The following TTC27 variants were observed in gnomAD, a reference collection of about 807,000 sequenced individuals.
TTC27 encodes the protein tetratricopeptide repeat domain 27.
In TTC27, 79 loss-of-function variants were observed where a neutral mutation model predicts 115.9. The observed-to-expected ratio is 0.68, with a 90% CI of 0.57 to 0.82. TTC27 has a LOEUF of 0.82. Among genes scored for constraint, TTC27 ranks in the 40% least tolerant of loss-of-function variants. The probability of loss-of-function intolerance (pLI) is 0.00; values close to 1 mark genes in which losing one functional copy is unlikely to be tolerated. For missense variants in TTC27, 1,054 were observed against 993.1 expected (o/e 1.06, Z -0.82); for synonymous variants, 401 against 356.0 (o/e 1.13, Z -1.42).
intron 13 of TTC27, among the ~76,000 whole-genome samples, chr2:32,769,303 T>A (rs969876081): frequency 3.9e-5 from 6 of 152,182 alleles, no homozygotes; most frequent in African/African-American, 1.4e-4. Flanking sequence ...TTATGTCACA[T>A]GTAGTGATAA....
intron 5 of TTC27, among the ~76,000 whole-genome samples, chr2:32,662,347 C>T (rs1420639635): frequency 6.6e-6 from 1 of 152,122 alleles, no homozygotes; most frequent in African/African-American, 2.4e-5. Flanking sequence ...GGAATGGTAC[C>T]AGCTCCTCTT....
intron 5 of TTC27, among the ~76,000 whole-genome samples, chr2:32,659,613 T>C (rs1182922114): frequency 7.7e-6 from 1 of 129,942 alleles, no homozygotes; most frequent in Non-Finnish European, 1.8e-5. Context: ...GGTATGCACG[T>C]GCCATGGTGG....
chr2:32,629,173 G>A (rs1197411417), intron 1 of TTC27, among the ~76,000 whole-genome samples: 1 of 151,778 alleles, frequency 6.6e-6, no homozygotes, highest in African/African-American at 2.4e-5. Context: ...TCTGGCTGGA[G>A]TGCACTGGTG....
At chr2:32,656,886 A>G (rs566609827) in intron 5 of TTC27, among the ~76,000 whole-genome samples, 1 of 151,944 alleles carries the variant, frequency 6.6e-6, no homozygotes, top group South Asian at 2.1e-4. Context: ...TTCAATAATG[A>G]TTGTGTGTCT....
chr2:32,717,438 ACAAGAAT>A (rs1667791534), intron 10 of TTC27, among the ~76,000 whole-genome samples: 1 of 152,224 alleles, frequency 6.6e-6, no homozygotes, highest in Non-Finnish European at 1.5e-5. Context: ...GGAAGCTGTC[ACAAGAAT>A]CAAGGTCCAG....
In TTC27 at chr2:32,733,803, C is replaced by T. The variant is rs1241034383; in HGVS notation, c.1234-25C>T. On this transcript the variant is annotated intron_variant, in intron 10 of 19. Transcript: ENST00000317907. ...ATATTATAAGTTATACATATAGATT[C>T]TGATTGTGATATATGTCCTTTAAGG... 5 of 1,449,138 alleles carry T rather than the reference C, an allele frequency of 3.5e-6. No individual in the cohort carries two copies. In the Admixed American group the frequency reaches 7.2e-5, roughly 21 times the overall value. 89.8% of individuals were successfully genotyped at this position (1,449,138 alleles called of 1,614,324 possible). A position where few individuals can be genotyped will look rare whatever the true frequency, so the allele number is the denominator to read the frequency against.
At position 32,742,703 on chromosome 2, in the gene TTC27, G is replaced by A. The variant is rs566231358; in HGVS notation, c.1452+5887G>A. 2.6e-5 allele frequency among the ~76,000 whole-genome samples: 4 copies of A among 152,312 alleles called. No homozygotes were observed. The East Asian group carries it at 7.7e-4, about 29-fold the overall frequency. On this transcript the variant is annotated intron_variant, in intron 12 of 19. Transcript: ENST00000317907. ...GGAAACGTGCTTTGGAGTTCTGTCA[G>A]CTGTGCCCCTGTCATCTTTATGTAC...
At chr2:32,782,841 ACTTG>A (rs1296854855) in intron 15 of TTC27, among the ~76,000 whole-genome samples, 163 bp downstream of exon 15, 1 of 152,228 alleles carries the variant, frequency 6.6e-6, no homozygotes, top group East Asian at 1.9e-4. Context: ...AACTAAATTA[ACTTG>A]AATTCTAAAT....
At chr2:32,788,414 C>T (rs954545266) in intron 16 of TTC27, among the ~76,000 whole-genome samples, 2 of 152,150 alleles carry the variant, frequency 1.3e-5, no homozygotes, top group African/African-American at 4.8e-5. Flanking sequence ...AAGCTCCCCT[C>T]CTTCCTGATA....
intron 3 of TTC27, among the ~76,000 whole-genome samples, chr2:32,637,519 G>C (rs923900638): frequency 7.2e-5 from 11 of 152,098 alleles, no homozygotes; most frequent in African/African-American, 2.7e-4. Context: ...TTTTAATAGA[G>C]ACGGGGTTTC....
chr2:32,683,880 G>A (rs1275115184), intron 9 of TTC27, among the ~76,000 whole-genome samples: 1 of 152,128 alleles, frequency 6.6e-6, no homozygotes, highest in Non-Finnish European at 1.5e-5. Flanking sequence ...TTTAGGCTGG[G>A]TGGGGTAGCT....
rs75098914 is a variant in TTC27, at chr2:32,758,131, C to T, written c.1453-161C>T. On this transcript the variant is annotated intron_variant, in intron 12 of 19. Transcript: ENST00000317907. ...AGGTATGCCTGTATTTATTTTGTAT[C>T]GGTCCTCTTACTCAACCTGTGTCCT... Among the ~76,000 whole-genome samples the T allele has an allele frequency of 9.2e-5, 14 of 152,154 alleles. No homozygotes were observed. The East Asian group carries it at 2.7e-3, about 29-fold the overall frequency.
At chr2:32,636,213 A>G (rs1664418318) in intron 3 of TTC27, among the ~76,000 whole-genome samples, 1 of 151,878 alleles carries the variant, frequency 6.6e-6, no homozygotes, top group Non-Finnish European at 1.5e-5. Context: ...CTTAATTCGC[A>G]TTTCTTTTTT....
intron 10 of TTC27, among the ~76,000 whole-genome samples, chr2:32,715,232 CTTGAG>C (rs1667715372): frequency 6.6e-6 from 1 of 152,146 alleles, no homozygotes; most frequent in Non-Finnish European, 1.5e-5. Context: ...TTTAATCCAT[CTTGAG>C]TTGATTTTTG....
intron 12 of TTC27, among the ~76,000 whole-genome samples, chr2:32,750,796 A>G (rs1206692720): frequency 1.3e-5 from 2 of 152,188 alleles, no homozygotes; most frequent in Admixed American, 6.5e-5. Flanking sequence ...CATCAAATGG[A>G]TTTTTGTAAA....
chr2:32,648,475 A>G (rs1432300931), intron 4 of TTC27, among the ~76,000 whole-genome samples: 2 of 139,124 alleles, frequency 1.4e-5, no homozygotes, highest in Non-Finnish European at 3.0e-5. Flanking sequence ...ACTTAGTCTT[A>G]CAGTGTTGCC....
chr2:32,802,177 A>G (rs1465895508), intron 16 of TTC27, among the ~76,000 whole-genome samples: 1 of 152,202 alleles, frequency 6.6e-6, no homozygotes, highest in East Asian at 1.9e-4. Flanking sequence ...TTTAGTTTCC[A>G]GATGAAAAGG....
chr2:32,634,619 T>A (rs538480009), intron 3 of TTC27, among the ~76,000 whole-genome samples: 23 of 151,132 alleles, frequency 1.5e-4, no homozygotes, highest in African/African-American at 5.3e-4. Flanking sequence ...AATCTGGAAA[T>A]CTGTTTAATT....
At chr2:32,630,049 G>A (rs1572453901) in intron 1 of TTC27, among the ~76,000 whole-genome samples, 1 of 152,278 alleles carries the variant, frequency 6.6e-6, no homozygotes, top group South Asian at 2.1e-4. Context: ...TTCAACAGGC[G>A]ATATCACAAG....
Sources: allele counts gnomAD v4.1 joint callset (sites outside exome capture counted in the v4.1 genomes callset), GRCh38; gene constraint gnomAD v4.1.1; transcripts MANE v1.5; gene names NCBI Gene and HGNC (gene_info 2026-07-23, HGNC 2026-07-21).